Variants in ARB2A observed in about 807,000 individuals in gnomAD.
The protein encoded by ARB2A is cotranscriptional regulator ARB2A.
the ARB2A span, among the ~76,000 whole-genome samples, chr5:93,960,091 C>A: frequency 7.5e-5 from 11 of 146,912 alleles, 1 homozygote; most frequent in African/African-American, 1.3e-4. Flanking sequence ...GCCCCCCCCC[C>A]CCCCAAAAAA....
chr5:93,695,915 C>A, the ARB2A span, among the ~76,000 whole-genome samples: 1 of 152,058 alleles, frequency 6.6e-6, no homozygotes, highest in Non-Finnish European at 1.5e-5. Context: ...AACCATAATT[C>A]TCAGGAAACT....
At chr5:94,099,794 C>A in the ARB2A span, among the ~76,000 whole-genome samples, 1 of 151,950 alleles carries the variant, frequency 6.6e-6, no homozygotes, top group Non-Finnish European at 1.5e-5. Context: ...GAACATACCT[C>A]AAAATAAGAG....
chr5:93,837,030 T>C, the ARB2A span, among the ~76,000 whole-genome samples: 1 of 152,206 alleles, frequency 6.6e-6, no homozygotes, highest in Admixed American at 6.5e-5. Context: ...GATCGTTATA[T>C]AGGTAAACTG....
At chr5:93,819,185 C>CAAA in the ARB2A span, among the ~76,000 whole-genome samples, 172 of 92,622 alleles carry the variant, frequency 1.9e-3, 3 homozygotes, top group Non-Finnish European at 2.3e-3. Flanking sequence ...AACTCCGTCT[C>CAAA]AAAAAAAAAA....
At chr5:93,689,982 G>A in the ARB2A span, among the ~76,000 whole-genome samples, 1 of 152,148 alleles carries the variant, frequency 6.6e-6, no homozygotes, top group Non-Finnish European at 1.5e-5. Flanking sequence ...GCCAAGGGAA[G>A]CCATGAGGGA....
chr5:93,926,375 T>C, the ARB2A span, among the ~76,000 whole-genome samples: 10 of 152,016 alleles, frequency 6.6e-5, no homozygotes, highest in Non-Finnish European at 1.5e-4. Context: ...TCAGGTGATC[T>C]GCCCGCCTCG....
At chr5:94,069,406 A>T in the ARB2A span, among the ~76,000 whole-genome samples, 1 of 152,200 alleles carries the variant, frequency 6.6e-6, no homozygotes, top group Non-Finnish European at 1.5e-5. Flanking sequence ...AAGCCTTTTG[A>T]GAAAGCATTA....
At chr5:93,837,346 T>G in the ARB2A span, among the ~76,000 whole-genome samples, 1 of 152,198 alleles carries the variant, frequency 6.6e-6, no homozygotes, top group Non-Finnish European at 1.5e-5. Flanking sequence ...TGCTAAATTT[T>G]CCTTCTGCAG....
the ARB2A span, among the ~76,000 whole-genome samples, chr5:93,893,679 TAAAG>T: frequency 6.6e-6 from 1 of 152,230 alleles, no homozygotes; most frequent in Non-Finnish European, 1.5e-5. Flanking sequence ...GAATACTTAT[TAAAG>T]AAATATAACA....
the ARB2A span, among the ~76,000 whole-genome samples, chr5:93,685,018 G>C: frequency 6.6e-6 from 1 of 152,170 alleles, no homozygotes; most frequent in Non-Finnish European, 1.5e-5. Context: ...AGCAACTAAA[G>C]AGTTATATTT....
At chr5:93,685,494 T>C in the ARB2A span, among the ~76,000 whole-genome samples, 1 of 152,184 alleles carries the variant, frequency 6.6e-6, no homozygotes, top group African/African-American at 2.4e-5. Flanking sequence ...AAAAATCTTA[T>C]AAAATATTCA....
the ARB2A span, among the ~76,000 whole-genome samples, chr5:93,657,848 A>G: frequency 4.6e-5 from 7 of 152,202 alleles, no homozygotes; most frequent in Non-Finnish European, 8.8e-5. Flanking sequence ...TTCAATCCCC[A>G]GGCTGTATTT....
chr5:94,006,953 CATTA>C, the ARB2A span, among the ~76,000 whole-genome samples: 1 of 152,132 alleles, frequency 6.6e-6, no homozygotes, highest in African/African-American at 2.4e-5. Flanking sequence ...GCTAGTATAG[CATTA>C]ATTTAGTTCT....
At chr5:93,824,140 GCA>G in the ARB2A span, 1 of 1,573,522 alleles carries the variant, frequency 6.4e-7, no homozygotes, top group Non-Finnish European at 8.6e-7. Context: ...AGTAAAATAA[GCA>G]CTTACCAGTT....
chr5:93,934,898 A>G, the ARB2A span, among the ~76,000 whole-genome samples: 1 of 152,208 alleles, frequency 6.6e-6, no homozygotes, highest in Non-Finnish European at 1.5e-5. Context: ...TGACAACCAT[A>G]AAAAGGAACA....
chr5:93,937,134 A>C, the ARB2A span, among the ~76,000 whole-genome samples: 1 of 151,732 alleles, frequency 6.6e-6, no homozygotes, highest in Non-Finnish European at 1.5e-5. Flanking sequence ...CTGCCTCCCA[A>C]AGTGCTGGGA....
chr5:93,781,936 C>T, the ARB2A span: 1 of 985,068 alleles, frequency 1.0e-6, no homozygotes, highest in African/African-American at 1.7e-5. Flanking sequence ...TTCGTTATTT[C>T]AAGGAGTCTT....
chr5:93,963,519 G>A, the ARB2A span, among the ~76,000 whole-genome samples: 2 of 151,804 alleles, frequency 1.3e-5, no homozygotes, highest in African/African-American at 2.4e-5. Context: ...CAAATAAAAA[G>A]GTTTCCTTTA....
the ARB2A span, among the ~76,000 whole-genome samples, chr5:94,045,451 A>T: frequency 6.6e-6 from 1 of 150,882 alleles, no homozygotes; most frequent in South Asian, 2.1e-4. Flanking sequence ...TATGCCACAT[A>T]TAGTCTATTT....
Sources: allele counts gnomAD v4.1 joint callset (sites outside exome capture counted in the v4.1 genomes callset), GRCh38; gene constraint gnomAD v4.1.1; transcripts MANE v1.5; gene names NCBI Gene and HGNC (gene_info 2026-07-23, HGNC 2026-07-21).